The following B4GALNT3 variants were observed in gnomAD, a reference collection of about 807,000 sequenced individuals.
B4GALNT3 encodes beta-1,4-N-acetylgalactosaminyltransferase 3.
B4GALNT3 carries 86 observed loss-of-function variants against 120.2 expected under a neutral mutation model. The ratio of observed to expected loss-of-function variants is 0.72; its 90% CI spans 0.60 to 0.86. B4GALNT3 has a LOEUF of 0.86. Among genes scored for constraint, B4GALNT3 ranks in the 40% least tolerant of loss-of-function variants. B4GALNT3 has a pLI of 0.00. For missense variants in B4GALNT3, 1,167 were observed against 1,298.9 expected (o/e 0.90, Z 1.56); for synonymous variants, 518 against 510.4 (o/e 1.01, Z -0.20).
At chr12:502,657 T>G (rs1946456721) in intron 1 of B4GALNT3, among the ~76,000 whole-genome samples, 1 of 152,244 alleles carries the variant, frequency 6.6e-6, no homozygotes, top group Non-Finnish European at 1.5e-5. Context: ...GTGAGTGGTG[T>G]TCTTAGCACA....
intron 1 of B4GALNT3, among the ~76,000 whole-genome samples, chr12:495,722 G>C (rs1169715309): frequency 6.6e-6 from 1 of 152,136 alleles, no homozygotes; most frequent in Admixed American, 6.6e-5. Flanking sequence ...CCCTGACTCT[G>C]CTGGGCTCAG....
At chr12:511,910 G>A (rs374402420) in intron 1 of B4GALNT3, among the ~76,000 whole-genome samples, 4 of 49,870 alleles carry the variant, frequency 8.0e-5, no homozygotes, top group Non-Finnish European at 1.4e-4. Flanking sequence ...TTCCGCCTTC[G>A]ACCTTCTTCC....
chr12:521,753 G>A (rs148855484), intron 1 of B4GALNT3, among the ~76,000 whole-genome samples: 12 of 152,110 alleles, frequency 7.9e-5, no homozygotes, highest in African/African-American at 2.2e-4. Context: ...CTAATTCTAC[G>A]TGCTCGCTCT....
At chr12:531,662 A>G (rs1194631607) in intron 1 of B4GALNT3, among the ~76,000 whole-genome samples, 2 of 152,136 alleles carry the variant, frequency 1.3e-5, no homozygotes, top group African/African-American at 4.8e-5. Flanking sequence ...AAATAAGAAA[A>G]GAAGCATAGA....
At chr12:551,997 C>T in intron 11 of B4GALNT3, 66 bp from the exon 12 acceptor site, 1 of 1,292,128 alleles carries the variant, frequency 7.7e-7, no homozygotes, top group Non-Finnish European at 1.1e-6. Context: ...AGGCTTAACC[C>T]TGGCTGGCTG....
At chr12:467,994 A>G (rs1318465658) in intron 1 of B4GALNT3, among the ~76,000 whole-genome samples, 1 of 152,222 alleles carries the variant, frequency 6.6e-6, no homozygotes, top group African/African-American at 2.4e-5. Flanking sequence ...AAAAGTGTAA[A>G]GGATTTTATG....
intron 1 of B4GALNT3, among the ~76,000 whole-genome samples, chr12:515,587 C>G (rs992461033): frequency 3.4e-4 from 52 of 152,102 alleles, no homozygotes; most frequent in African/African-American, 1.2e-3. Flanking sequence ...TGTGTTAGCT[C>G]TTATTGTTTT....
intron 3 of B4GALNT3, among the ~76,000 whole-genome samples, chr12:543,921 G>T (rs1946955234): frequency 7.7e-6 from 1 of 129,504 alleles, no homozygotes; most frequent in Non-Finnish European, 1.6e-5. Flanking sequence ...CGGGCATGGG[G>T]TGCTCATCCT....
At chr12:523,577 C>G (rs182841088) in intron 1 of B4GALNT3, among the ~76,000 whole-genome samples, 35 of 152,348 alleles carry the variant, frequency 2.3e-4, no homozygotes, top group Non-Finnish European at 4.4e-4. Flanking sequence ...AGCTGTGGTG[C>G]ACGAAGTCTT....
chr12:510,445 G>C (rs1036670526), intron 1 of B4GALNT3, among the ~76,000 whole-genome samples: 2 of 120,168 alleles, frequency 1.7e-5, no homozygotes, highest in Non-Finnish European at 4.0e-5. Context: ...GACACTCCAT[G>C]GGGGGGTTGG....
At chr12:558,288 C>A (rs150278983) in intron 17 of B4GALNT3, among the ~76,000 whole-genome samples, 200 bp downstream of exon 17, 1 of 152,160 alleles carries the variant, frequency 6.6e-6, no homozygotes, top group Non-Finnish European at 1.5e-5. Flanking sequence ...TGTCCAGGGT[C>A]CTTGGAGCCT....
At chr12:508,088 G>A (rs529217141) in intron 1 of B4GALNT3, among the ~76,000 whole-genome samples, 3 of 152,292 alleles carry the variant, frequency 2.0e-5, no homozygotes, top group East Asian at 1.9e-4. Context: ...AAAATGACTC[G>A]GCCCAAGGTC....
At chr12:512,366 T>TGC (rs2120587631) in intron 1 of B4GALNT3, among the ~76,000 whole-genome samples, 1 of 97,490 alleles carries the variant, frequency 1.0e-5, no homozygotes, top group South Asian at 3.7e-4. Flanking sequence ...CCTTCGACCT[T>TGC]CTTCCACCTT....
At chr12:538,911 A>G (rs1416278185) in intron 3 of B4GALNT3, among the ~76,000 whole-genome samples, 1 of 152,104 alleles carries the variant, frequency 6.6e-6, no homozygotes, top group Admixed American at 6.6e-5. Flanking sequence ...AATAATACAC[A>G]TCGTTTATTG....
Position 483,099 on chromosome 12 carries a change from A to G in B4GALNT3, c.169+22554A>G, listed in dbSNP as rs566107321. ...ATTTTTTTTTTCCCTTTGGAGAGAC[A>G]GGGTCTTACCGTGTTGCCCAGGCTG... On this transcript the variant is annotated intron_variant, in intron 1 of 19. Coordinates refer to ENST00000266383, the MANE Select transcript of B4GALNT3 (RefSeq NM_173593.4). Among the ~76,000 whole-genome samples the G allele has an allele frequency of 7.2e-5, 11 of 151,938 alleles. No individual in the cohort carries two copies. In the South Asian group the frequency reaches 2.3e-3, roughly 32 times the overall value.
intron 1 of B4GALNT3, among the ~76,000 whole-genome samples, chr12:521,835 G>A (rs749454514): frequency 6.6e-6 from 1 of 152,228 alleles, no homozygotes. Context: ...CTGAGCTGGA[G>A]CTTCCATGGG....
intron 15 of B4GALNT3, 37 bp downstream of exon 15, chr12:556,903 G>A (rs778191622): frequency 5.4e-5 from 85 of 1,571,756 alleles, no homozygotes; most frequent in African/African-American, 3.2e-4. Context: ...TCTCAGGGGC[G>A]GGGTCCTCAC....
At position 502,301 on chromosome 12, in the gene B4GALNT3, G is replaced by A. The variant is rs1212961410; in HGVS notation, c.170-32865G>A. 3.3e-5 allele frequency among the ~76,000 whole-genome samples: 5 copies of A among 152,170 alleles called. No homozygotes were observed. The East Asian group carries it at 5.8e-4, about 18-fold the overall frequency. ...TGTGTCCCAGCGTCCTGCAGCCCTC[G>A]GCATCAGGTGCTCTGACTTGGAGCA... On this transcript the variant is annotated intron_variant, in intron 1 of 19. Coordinates refer to ENST00000266383, the MANE Select transcript of B4GALNT3 (RefSeq NM_173593.4).
At position 487,661 on chromosome 12, in the gene B4GALNT3, C is replaced by T. The variant is rs142055845; in HGVS notation, c.169+27116C>T. 4.8e-3 allele frequency among the ~76,000 whole-genome samples: 720 copies of T among 150,232 alleles called. 6 individuals carry two copies. Among genetic ancestry groups the T allele is most frequent in the African/African-American group, 0.016 (648 of 40,630 alleles). On this transcript the variant is annotated intron_variant, in intron 1 of 19. Transcript: ENST00000266383. The stretch of plus-strand genomic sequence containing the variant: ...CTAGGAGGCAGAGGTTGCAGTGAGC[C>T]GAGATCGTGCCACTGCACTCCAGCC...
Sources: allele counts gnomAD v4.1 joint callset (sites outside exome capture counted in the v4.1 genomes callset), GRCh38; gene constraint gnomAD v4.1.1; transcripts MANE v1.5; gene names NCBI Gene and HGNC (gene_info 2026-07-23, HGNC 2026-07-21).